Variants in SPTLC1 observed in about 807,000 individuals in gnomAD.
The protein encoded by SPTLC1 is serine palmitoyltransferase 1.
A neutral mutation model predicts 68.9 loss-of-function variants in SPTLC1; 55 were observed. That is an observed-to-expected ratio of 0.80 (90% confidence interval 0.64 to 1.00). The LOEUF is 1.00. Ranked by LOEUF, SPTLC1 falls within the 50% of genes least tolerant of loss-of-function variation. The probability of loss-of-function intolerance (pLI) is 0.00; values close to 1 mark genes in which losing one functional copy is unlikely to be tolerated. For missense variants in SPTLC1, 449 were observed against 573.1 expected (o/e 0.78, Z 2.21); for synonymous variants, 197 against 201.6 (o/e 0.98, Z 0.19).
intron 5 of SPTLC1, among the ~76,000 whole-genome samples, chr9:92,069,076 G>A (rs1468289898): frequency 6.6e-6 from 1 of 152,134 alleles, no homozygotes; most frequent in African/African-American, 2.4e-5. Flanking sequence ...AGAAAGGAGG[G>A]AAATCAGAGG....
intron 5 of SPTLC1, chr9:92,079,664 G>C (rs911480136): frequency 9.0e-7 from 1 of 1,113,934 alleles, no homozygotes; most frequent in Admixed American, 1.7e-5. Flanking sequence ...AGCCCCCTGC[G>C]TGGCTAGTCA....
intron 3 of SPTLC1, among the ~76,000 whole-genome samples, chr9:92,101,162 A>C (rs1395250243): frequency 6.6e-6 from 1 of 152,194 alleles, no homozygotes; most frequent in Non-Finnish European, 1.5e-5. Context: ...ATCTTAAGAA[A>C]ATTCAATGAG....
intron 12 of SPTLC1, among the ~76,000 whole-genome samples, chr9:92,042,428 A>T (rs1352035798): frequency 6.6e-6 from 1 of 152,228 alleles, no homozygotes; most frequent in Non-Finnish European, 1.5e-5. Context: ...CCTGGATATA[A>T]GGTCAGTTTA....
chr9:92,054,602 C>T (rs1833818096), intron 8 of SPTLC1, among the ~76,000 whole-genome samples: 2 of 152,088 alleles, frequency 1.3e-5, no homozygotes, highest in Admixed American at 6.5e-5. Flanking sequence ...TTGATTTCAC[C>T]TAAATAAAGC....
In SPTLC1 at chr9:92,105,088, G is replaced by A. The variant is rs1835906176; in HGVS notation, c.260+3652C>T. The A allele has an allele frequency of 3.9e-6, 6 of 1,532,644 alleles. No homozygotes were observed. The East Asian group carries it at 1.5e-4, about 37-fold the overall frequency. The allele number at this position is 1,532,644 out of a possible 1,614,324, so 94.9% of individuals were successfully genotyped here. On this transcript the variant is annotated intron_variant, in intron 3 of 14. Transcript: ENST00000262554. The stretch of plus-strand genomic sequence containing the variant: ...GCTCTCCAGGCTTGCTGATGGTGGG[G>A]GAGGACATGCAGCCCAAGGATCCTG...
At chr9:92,058,715 TG>T (rs777533666) in intron 7 of SPTLC1, among the ~76,000 whole-genome samples, 16 of 152,230 alleles carry the variant, frequency 1.1e-4, no homozygotes, top group Non-Finnish European at 1.6e-4. Context: ...ACAGGTGGGG[TG>T]GGGAGAAAGG....
chr9:92,104,311 C>T lies in SPTLC1; in HGVS notation c.260+4429G>A, dbSNP rs960879046. ...GGCCTTCCCAGCTGGCCGGGCTCAC[C>T]CCGCGGCTCCTGCACCTGTGCCTGC... On this transcript the variant is annotated intron_variant, in intron 3 of 14. Transcript: ENST00000262554. The T allele has an allele frequency of 2.9e-6, 4 of 1,384,190 alleles. No homozygotes were observed. In the African/African-American group the frequency reaches 4.4e-5, roughly 15 times the overall value. 85.7% of individuals were successfully genotyped at this position (1,384,190 alleles called of 1,614,324 possible).
intron 5 of SPTLC1, 140 bp from the exon 6 acceptor site, chr9:92,068,238 G>C: frequency 2.6e-6 from 2 of 776,090 alleles, no homozygotes; most frequent in Non-Finnish European, 4.1e-6. Context: ...TTAAATGATA[G>C]ATTATACAAG....
intron 7 of SPTLC1, among the ~76,000 whole-genome samples, chr9:92,056,241 C>CT (rs1292448098): frequency 1.3e-5 from 2 of 151,892 alleles, no homozygotes; most frequent in African/African-American, 4.8e-5. Context: ...GTCTCCTTTT[C>CT]TTTTTTTTGA....
Position 92,115,319 on chromosome 9 carries a change from A to G in SPTLC1, c.52T>C (p.Tyr18His), listed in dbSNP as rs201211989. 277 of 1,612,082 alleles carry G rather than the reference A, an allele frequency of 1.7e-4. 1 individual carries two copies. Among genetic ancestry groups the G allele is most frequent in the Non-Finnish European group, 2.2e-5 (26 of 1,179,936 alleles). ...GCTAATGGCGCGGAGCCCACCTCGT[A>G]AAGCGCCTGTACCATCTCCACCAGA... ...WVLVEMVQAL[Y>H]EAPAYHLILE... The change falls in exon 1 of 15, where the codon TAC (tyrosine) becomes CAC (histidine). Residue 18 changes from tyrosine (Y) to histidine (H), a missense_variant. Transcript: ENST00000262554.
At chr9:92,102,546 T>TGGGGGTA (rs1474972116) in intron 3 of SPTLC1, among the ~76,000 whole-genome samples, 1 of 152,142 alleles carries the variant, frequency 6.6e-6, no homozygotes, top group Non-Finnish European at 1.5e-5. Context: ...ACAAGGGATG[T>TGGGGGTA]GGGGGTAGTA....
chr9:92,094,719 C>T (rs1306285542), intron 3 of SPTLC1, among the ~76,000 whole-genome samples: 1 of 152,246 alleles, frequency 6.6e-6, no homozygotes, highest in Non-Finnish European at 1.5e-5. Context: ...GCTGATACTA[C>T]CCAAAGGCAA....
At chr9:92,079,403 G>A (rs1183423424) in intron 5 of SPTLC1, 2 of 1,513,420 alleles carry the variant, frequency 1.3e-6, no homozygotes, top group Non-Finnish European at 8.8e-7. Context: ...ACATTTTCAG[G>A]AGCAAAGAAT....
chr9:92,044,519 TA>T (rs1286843078), intron 12 of SPTLC1, among the ~76,000 whole-genome samples: 2 of 152,138 alleles, frequency 1.3e-5, no homozygotes, highest in Admixed American at 1.3e-4. Context: ...GCTGCCAGTG[TA>T]AGTGAAGACG....
At chr9:92,073,238 T>C (rs541633007) in intron 5 of SPTLC1, among the ~76,000 whole-genome samples, 1 of 152,180 alleles carries the variant, frequency 6.6e-6, no homozygotes, top group Non-Finnish European at 1.5e-5. Context: ...CTCAAATATA[T>C]ACAAGAATTC....
At chr9:92,077,868 C>A (rs1459010591) in intron 5 of SPTLC1, among the ~76,000 whole-genome samples, 1 of 152,130 alleles carries the variant, frequency 6.6e-6, no homozygotes, top group Non-Finnish European at 1.5e-5. Context: ...AAGTTCTTTT[C>A]TTTTATACTT....
intron 3 of SPTLC1, among the ~76,000 whole-genome samples, chr9:92,082,412 CCA>C (rs1322302621): frequency 7.3e-4 from 99 of 136,024 alleles, no homozygotes; most frequent in African/African-American, 2.6e-3. Context: ...ACAACAGTCC[CCA>C]GAGTGTGATG....
intron 12 of SPTLC1, among the ~76,000 whole-genome samples, chr9:92,045,068 A>G (rs1833462603): frequency 6.6e-6 from 1 of 152,184 alleles, no homozygotes; most frequent in African/African-American, 2.4e-5. Context: ...ATATCTCTCT[A>G]CCATAAATCA....
chr9:92,056,117 C>T (rs1188167185), intron 7 of SPTLC1, among the ~76,000 whole-genome samples: 1 of 152,134 alleles, frequency 6.6e-6, no homozygotes, highest in African/African-American at 2.4e-5. Flanking sequence ...CCTTCACCTC[C>T]CAAAAAAAGG....
Sources: allele counts gnomAD v4.1 joint callset (sites outside exome capture counted in the v4.1 genomes callset), GRCh38; gene constraint gnomAD v4.1.1; transcripts MANE v1.5; gene names NCBI Gene and HGNC (gene_info 2026-07-23, HGNC 2026-07-21).